Variants in CLYBL observed in about 807,000 individuals in gnomAD.
CLYBL encodes the protein citramalyl-CoA lyase, mitochondrial.
In CLYBL, 31 loss-of-function variants were observed where a neutral mutation model predicts 38.9. The observed-to-expected ratio is 0.80, with a 90% CI of 0.60 to 1.08. CLYBL has a LOEUF of 1.08. Ranked by LOEUF, CLYBL falls within the 50% of genes least tolerant of loss-of-function variation. The probability of loss-of-function intolerance (pLI) is 0.00; values close to 1 mark genes in which losing one functional copy is unlikely to be tolerated. For synonymous variants in CLYBL, 171 were observed against 158.6 expected (o/e 1.08, Z -0.59); for missense variants, 434 against 411.6 (o/e 1.05, Z -0.47).
downstream of CLYBL, chr13:99,895,148 T>A (rs966876699): frequency 6.6e-6 from 1 of 152,180 alleles, no homozygotes; most frequent in Non-Finnish European, 1.5e-5. Flanking sequence ...TCATTCACAC[T>A]TTTGCACCCG....
downstream of CLYBL, among the ~76,000 whole-genome samples, chr13:99,897,945 A>AAAAAAAAAAG: frequency 6.6e-6 from 1 of 151,942 alleles, no homozygotes; most frequent in South Asian, 2.1e-4. Context: ...CGTCTCAAAA[A>AAAAAAAAAAG]AAAGAAAGAA....
intron 2 of CLYBL, among the ~76,000 whole-genome samples, chr13:99,827,501 C>T (rs561857129): frequency 3.2e-4 from 49 of 152,304 alleles, no homozygotes; most frequent in Non-Finnish European, 5.0e-4. Context: ...CCATCATCCC[C>T]GCTGCAGAAA....
intron 2 of CLYBL, among the ~76,000 whole-genome samples, chr13:99,812,491 A>G (rs2138991848): frequency 6.6e-6 from 1 of 152,318 alleles, no homozygotes; most frequent in Admixed American, 6.5e-5. Flanking sequence ...GCCAGTATTA[A>G]ATGCCCCTGT....
At chr13:99,895,734 A>G (rs2052567587), downstream of CLYBL, 1 of 152,302 alleles carries the variant, frequency 6.6e-6, no homozygotes. Flanking sequence ...AGAATTGCCC[A>G]CGACGTAAAG....
intron 7 of CLYBL, among the ~76,000 whole-genome samples, chr13:99,878,093 A>G (rs2052097857): frequency 6.6e-6 from 1 of 152,212 alleles, no homozygotes; most frequent in Non-Finnish European, 1.5e-5. Flanking sequence ...CATTTAGTAA[A>G]CATTATTTAG....
intron 1 of CLYBL, among the ~76,000 whole-genome samples, chr13:99,671,613 C>T (rs2072937010): frequency 6.6e-6 from 1 of 151,924 alleles, no homozygotes; most frequent in South Asian, 2.1e-4. Context: ...AACCTCACCT[C>T]TACTAAAAAT....
chr13:99,734,373 G>A (rs996099712), intron 1 of CLYBL, among the ~76,000 whole-genome samples: 13 of 151,912 alleles, frequency 8.6e-5, no homozygotes, highest in African/African-American at 3.1e-4. Flanking sequence ...TCAGCATAGG[G>A]GGAATAAGAA....
intron 2 of CLYBL, among the ~76,000 whole-genome samples, chr13:99,820,637 C>T (rs760480020): frequency 6.6e-6 from 1 of 152,122 alleles, no homozygotes; most frequent in Non-Finnish European, 1.5e-5. Flanking sequence ...ACATTCTCAC[C>T]GTTGGAGTAG....
At chr13:99,666,346 A>C (rs547561358) in intron 1 of CLYBL, among the ~76,000 whole-genome samples, 1 of 152,172 alleles carries the variant, frequency 6.6e-6, no homozygotes, top group East Asian at 1.9e-4. Context: ...GAGTGGCTTT[A>C]GGCAGCCTGA....
exon 10 of CLYBL, among the ~76,000 whole-genome samples, chr13:99,908,077 T>C (rs573588743): frequency 1.2e-4 from 19 of 152,328 alleles, no homozygotes; most frequent in Non-Finnish European, 2.6e-4. Context: ...AGCTTTTTCC[T>C]TCTCTACAAG....
intron 1 of CLYBL, among the ~76,000 whole-genome samples, chr13:99,611,561 CTG>C (rs1367252726): frequency 6.6e-6 from 1 of 152,150 alleles, no homozygotes; most frequent in Non-Finnish European, 1.5e-5. Context: ...TTATTTGTAT[CTG>C]TGTTCATAAG....
At chr13:99,830,104 T>C (rs1011633574) in intron 2 of CLYBL, among the ~76,000 whole-genome samples, 6 of 152,214 alleles carry the variant, frequency 3.9e-5, no homozygotes, top group African/African-American at 1.2e-4. Flanking sequence ...CAGTCATTTG[T>C]TGATCTCTCT....
chr13:99,758,078 A>T (rs2049098702), intron 1 of CLYBL, among the ~76,000 whole-genome samples: 1 of 152,202 alleles, frequency 6.6e-6, no homozygotes. Context: ...AGTGGCAAGG[A>T]CCTAGAAAGC....
chr13:99,787,513 T>C (rs2049822544), intron 2 of CLYBL, among the ~76,000 whole-genome samples: 1 of 152,172 alleles, frequency 6.6e-6, no homozygotes, highest in South Asian at 2.1e-4. Context: ...TGGTTGTAGA[T>C]GTGTGGTATT....
chr13:99,892,169 T>C (rs1213429279), intron 8 of CLYBL: 1 of 152,212 alleles, frequency 6.6e-6, no homozygotes, highest in African/African-American at 2.4e-5. Context: ...CTGTTTGCCA[T>C]TGAGGCTATT....
intron 1 of CLYBL, among the ~76,000 whole-genome samples, chr13:99,684,793 A>C (rs1431530532): frequency 6.6e-6 from 1 of 152,208 alleles, no homozygotes; most frequent in African/African-American, 2.4e-5. Context: ...ACCACCCCAT[A>C]AGACTGAACC....
chr13:99,635,225 G>T (rs902264746), intron 1 of CLYBL, among the ~76,000 whole-genome samples: 5 of 151,936 alleles, frequency 3.3e-5, no homozygotes, highest in African/African-American at 1.2e-4. Context: ...GTACCTGGGG[G>T]TCATTAACAA....
intron 7 of CLYBL, among the ~76,000 whole-genome samples, chr13:99,876,227 C>G (rs1594239539): frequency 6.6e-6 from 1 of 151,002 alleles, no homozygotes; most frequent in African/African-American, 2.4e-5. Context: ...TGAGACCAGC[C>G]TTGCCAACAT....
At chr13:99,811,404 G>A (rs1001567831) in intron 2 of CLYBL, among the ~76,000 whole-genome samples, 10 of 152,214 alleles carry the variant, frequency 6.6e-5, no homozygotes, top group South Asian at 4.1e-4. Context: ...CAGAGCTGGC[G>A]TGGCTCAGCC....
Sources: gnomAD v4.1 joint callset for allele counts (sites outside exome capture counted in the v4.1 genomes callset) on GRCh38, gnomAD v4.1.1 for gene constraint, MANE v1.5 for transcripts, NCBI Gene and HGNC (gene_info 2026-07-23, HGNC 2026-07-21) for gene names.